Variants in DGKB observed in about 807,000 individuals in gnomAD.
DGKB encodes diacylglycerol kinase beta, also known as 90 kDa diacylglycerol kinase.
Under a neutral mutation model 114.3 loss-of-function variants are expected in DGKB, and 67 were observed. The ratio of observed to expected loss-of-function variants is 0.59; its 90% CI spans 0.48 to 0.72. The LOEUF is 0.72. DGKB is among the 30% of genes least tolerant of loss of function. The probability of loss-of-function intolerance (pLI) is 0.00; values close to 1 mark genes in which losing one functional copy is unlikely to be tolerated. For missense variants in DGKB, 907 were observed against 975.2 expected (o/e 0.93, Z 0.93); for synonymous variants, 398 against 323.1 (o/e 1.23, Z -2.49).
intron 2 of DGKB, among the ~76,000 whole-genome samples, chr7:14,796,365 A>C (rs1275924459): frequency 6.6e-6 from 1 of 152,178 alleles, no homozygotes; most frequent in Non-Finnish European, 1.5e-5. Flanking sequence ...ATTCTGCCTA[A>C]AAAATTAAAG....
At chr7:14,278,354 T>G (rs147420798) in intron 23 of DGKB, among the ~76,000 whole-genome samples, 1 of 152,154 alleles carries the variant, frequency 6.6e-6, no homozygotes, top group Admixed American at 6.5e-5. Flanking sequence ...TTATGGTCAA[T>G]TGATTTTAGG....
At chr7:14,891,694 C>T (rs1217438778) in intron 1 of DGKB, among the ~76,000 whole-genome samples, 1 of 151,264 alleles carries the variant, frequency 6.6e-6, no homozygotes, top group Non-Finnish European at 1.5e-5. Flanking sequence ...AAATTTAATT[C>T]AAATGCCTCA....
At chr7:14,620,194 A>T (rs10276877) in intron 15 of DGKB, among the ~76,000 whole-genome samples, 48,396 of 151,006 alleles carry the variant, frequency 0.32, 8,113 homozygotes, top group East Asian at 0.69. Flanking sequence ...TACTTTTTTA[A>T]AATTAAATTT....
chr7:14,363,367 C>A (rs1218229178), intron 21 of DGKB, among the ~76,000 whole-genome samples: 1 of 152,124 alleles, frequency 6.6e-6, no homozygotes, highest in Non-Finnish European at 1.5e-5. Flanking sequence ...AAGACACGAA[C>A]TGTTCAAGTA....
chr7:14,539,305 C>T lies in DGKB; in HGVS notation c.1770+34907G>A, dbSNP rs542121536. Among the ~76,000 whole-genome samples, 10 of 152,152 alleles carry T rather than the reference C, an allele frequency of 6.6e-5. No homozygotes were observed. In the East Asian group the frequency reaches 1.2e-3, roughly 18 times the overall value. On this transcript the variant is annotated intron_variant, in intron 20 of 25. Transcript: ENST00000402815. The stretch of plus-strand genomic sequence containing the variant: ...ATGTGTGGTTTCATATTTTTGTATA[C>T]CAATTATTCCTCAAAGCTGGGGAAA...
In DGKB at chr7:14,621,360, T is replaced by G. The variant is rs753716461; in HGVS notation, c.1284+18A>C. The G allele has an allele frequency of 9.9e-6, 15 of 1,519,592 alleles. No homozygotes were observed. Among genetic ancestry groups the G allele is most frequent in the Non-Finnish European group, 1.4e-5 (15 of 1,097,884 alleles). The allele number at this position is 1,519,592 out of a possible 1,614,324, so 94.1% of individuals were successfully genotyped here. Reference sequence around the variant, plus strand: ...TCAAATATGAAACCTACTAAAATTTTGATTTAAAAAATCATACCTGCAGGC... The same window carrying G: ...TCAAATATGAAACCTACTAAAATTTGGATTTAAAAAATCATACCTGCAGGC... On this transcript the variant is annotated intron_variant, in intron 15 of 25. Coordinates refer to ENST00000402815, the MANE Select transcript of DGKB (RefSeq NM_001350709.2).
Position 14,535,391 on chromosome 7 carries a change from A to AG in DGKB, c.1770+38820_1770+38821insC, listed in dbSNP as rs1232449230. 3.1e-3 allele frequency among the ~76,000 whole-genome samples: 453 copies of AG among 146,716 alleles called. 2 individuals are homozygous for AG. Among genetic ancestry groups the AG allele is most frequent in the Non-Finnish European group, 3.5e-3 (233 of 67,172 alleles). On this transcript the variant is annotated intron_variant, in intron 20 of 25. Coordinates refer to ENST00000402815, the MANE Select transcript of DGKB (RefSeq NM_001350709.2). The stretch of plus-strand genomic sequence containing the variant: ...CTCTTAAAAAAAGAAAAAAAAAAAA[A>AG]AAAGAAAGAAAGAAAGAAAAATTAA...
intron 12 of DGKB, among the ~76,000 whole-genome samples, chr7:14,675,738 G>T (rs935216368): frequency 1.3e-5 from 2 of 151,918 alleles, no homozygotes; most frequent in Non-Finnish European, 2.9e-5. Context: ...CTGTTAAACA[G>T]AGTCACACAA....
chr7:14,807,354 T>G (rs754945969), intron 2 of DGKB, among the ~76,000 whole-genome samples: 1 of 150,320 alleles, frequency 6.7e-6, no homozygotes, highest in Non-Finnish European at 1.5e-5. Flanking sequence ...TTTTAATAAA[T>G]AAAGAATGAA....
intron 23 of DGKB, among the ~76,000 whole-genome samples, chr7:14,210,977 A>G (rs1787681389): frequency 6.6e-6 from 1 of 151,864 alleles, no homozygotes. Context: ...TCCACTTGCA[A>G]TCCTCTTCAA....
intron 25 of DGKB, among the ~76,000 whole-genome samples, chr7:14,155,312 T>G (rs1401374519): frequency 3.3e-5 from 5 of 152,106 alleles, no homozygotes; most frequent in Non-Finnish European, 2.9e-5. Flanking sequence ...TGTGGAGGAT[T>G]GCAAGTTGAA....
chr7:14,607,238 A>C (rs1388398965), intron 17 of DGKB, among the ~76,000 whole-genome samples, 196 bp downstream of exon 17: 1 of 151,968 alleles, frequency 6.6e-6, no homozygotes, highest in South Asian at 2.1e-4. Context: ...ATTTAGAAAG[A>C]AGAAAAATCT....
chr7:14,475,433 A>T (rs1025274100), intron 21 of DGKB, among the ~76,000 whole-genome samples: 13 of 152,166 alleles, frequency 8.5e-5, no homozygotes, highest in African/African-American at 2.9e-4. Flanking sequence ...AATGCTTGAA[A>T]TGATAACTGT....
At chr7:14,441,568 G>T (rs1224493086) in intron 21 of DGKB, among the ~76,000 whole-genome samples, 2 of 151,892 alleles carry the variant, frequency 1.3e-5, no homozygotes, top group East Asian at 1.9e-4. Flanking sequence ...CTCATAAATT[G>T]TTCTCCTATA....
intron 13 of DGKB, among the ~76,000 whole-genome samples, chr7:14,647,654 A>T (rs1234401457): frequency 6.6e-6 from 1 of 152,162 alleles, no homozygotes; most frequent in Non-Finnish European, 1.5e-5. Context: ...AGATGGCCGA[A>T]TAGTAACAGC....
At chr7:14,252,745 C>G (rs987825224) in intron 23 of DGKB, among the ~76,000 whole-genome samples, 1 of 152,100 alleles carries the variant, frequency 6.6e-6, no homozygotes, top group Non-Finnish European at 1.5e-5. Context: ...AGCTTGGGTA[C>G]ACAGGAGCAA....
At chr7:14,954,304 C>T (rs1786376163) in intron 1 of DGKB, among the ~76,000 whole-genome samples, 1 of 151,972 alleles carries the variant, frequency 6.6e-6, no homozygotes, top group Admixed American at 6.6e-5. Flanking sequence ...GGATGTAGAG[C>T]ATTTCAGGCA....
intron 23 of DGKB, among the ~76,000 whole-genome samples, chr7:14,227,077 G>A (rs1790920983): frequency 6.6e-6 from 1 of 151,950 alleles, no homozygotes; most frequent in African/African-American, 2.4e-5. Context: ...AGAGAAAGCT[G>A]CCATCCAGAA....
chr7:14,847,838 A>T (rs1441135819), intron 1 of DGKB, among the ~76,000 whole-genome samples: 2 of 152,248 alleles, frequency 1.3e-5, no homozygotes, highest in Non-Finnish European at 2.9e-5. Context: ...GATTAAAAAC[A>T]TCCTGAGCAG....
Sources: allele counts gnomAD v4.1 joint callset (sites outside exome capture counted in the v4.1 genomes callset), GRCh38; gene constraint gnomAD v4.1.1; transcripts MANE v1.5; gene names NCBI Gene and HGNC (gene_info 2026-07-23, HGNC 2026-07-21).